The following SLC25A20 variants were observed in gnomAD, a reference collection of about 807,000 sequenced individuals.
The protein encoded by SLC25A20 is solute carrier family 25 member 20.
A neutral mutation model predicts 39.7 loss-of-function variants in SLC25A20; 29 were observed. The ratio of observed to expected loss-of-function variants is 0.73; its 90% confidence interval spans 0.54 to 1.00. The LOEUF is 1.00. Among genes scored for constraint, SLC25A20 ranks in the 50% least tolerant of loss-of-function variants. The pLI is 0.00. For missense variants in SLC25A20, 333 were observed against 379.9 expected (o/e 0.88, Z 1.03); for synonymous variants, 103 against 142.2 (o/e 0.72, Z 1.96).
At chr3:48,882,489 A>C (rs1296734352) in intron 3 of SLC25A20, among the ~76,000 whole-genome samples, 1 of 152,180 alleles carries the variant, frequency 6.6e-6, no homozygotes, top group Non-Finnish European at 1.5e-5. Context: ...ATATTTAAGC[A>C]TTCAGACCTC....
At chr3:48,862,306 C>T (rs753715044) in intron 5 of SLC25A20, among the ~76,000 whole-genome samples, 5 of 152,176 alleles carry the variant, frequency 3.3e-5, no homozygotes, top group African/African-American at 4.8e-5. Context: ...CTTGCCACTC[C>T]CCTCCAACTG....
intron 3 of SLC25A20, among the ~76,000 whole-genome samples, chr3:48,880,574 CTTTTTTTTTTTTTT>C (rs35306259): frequency 1.4e-5 from 1 of 73,094 alleles, no homozygotes. Flanking sequence ...CTGTGCCCGG[CTTTTTTTTTTTTTT>C]TTTTTTTTGA....
chr3:48,866,215 A>G (rs1334043860), intron 4 of SLC25A20, among the ~76,000 whole-genome samples: 1 of 152,104 alleles, frequency 6.6e-6, no homozygotes, highest in Non-Finnish European at 1.5e-5. Context: ...AGATTGGAGC[A>G]GGTTTAACAA....
chr3:48,874,032 T>C (rs1282657390), intron 4 of SLC25A20, among the ~76,000 whole-genome samples: 2 of 141,906 alleles, frequency 1.4e-5, no homozygotes, highest in South Asian at 2.3e-4. Flanking sequence ...CTCATTCCTA[T>C]AATCCCAGCA....
At chr3:48,863,922 G>A (rs908815498) in intron 4 of SLC25A20, among the ~76,000 whole-genome samples, 1 of 152,068 alleles carries the variant, frequency 6.6e-6, no homozygotes, top group African/African-American at 2.4e-5. Context: ...GGCTGAGGCA[G>A]GAGAATCGCT....
intron 2 of SLC25A20, among the ~76,000 whole-genome samples, chr3:48,886,644 T>C (rs926527227): frequency 6.6e-6 from 1 of 151,910 alleles, no homozygotes; most frequent in African/African-American, 2.4e-5. Flanking sequence ...CTCTGGAGAA[T>C]GAAGGAAAGA....
chr3:48,866,611 G>A (rs927289399), intron 4 of SLC25A20, among the ~76,000 whole-genome samples: 1 of 151,730 alleles, frequency 6.6e-6, no homozygotes, highest in Non-Finnish European at 1.5e-5. Context: ...AAGAGTTTTT[G>A]TGTAAGAGGG....
At chr3:48,879,574 C>T (rs1289223691) in intron 3 of SLC25A20, 126 bp from the exon 4 acceptor site, 2 of 728,540 alleles carry the variant, frequency 2.7e-6, no homozygotes, top group Non-Finnish European at 5.0e-6. Flanking sequence ...AGAAGCCTAG[C>T]CACAAATGAA....
chr3:48,897,360 TATATATA>T (rs2083917079), intron 1 of SLC25A20, among the ~76,000 whole-genome samples: 1 of 111,734 alleles, frequency 8.9e-6, no homozygotes, highest in Admixed American at 8.8e-5. Context: ...TATATATATA[TATATATA>T]TTTTTTTTTT....
At chr3:48,864,347 C>CAAAAAA (rs55843120) in intron 4 of SLC25A20, among the ~76,000 whole-genome samples, 19 of 48,088 alleles carry the variant, frequency 4.0e-4, no homozygotes, top group African/African-American at 5.3e-4. Context: ...GACTCTGTCT[C>CAAAAAA]AAAAAAAAAA....
chr3:48,879,402 T>C lies in SLC25A20; in HGVS notation c.373A>G (p.Thr125Ala). ...CGTTCTCCAGGAGTCATGATTCCTG[T>C]GGTGAATACGCCAGATAACATCCCA... ...AAGMLSGVFT[T>A]GIMTPGERIK... The change falls in exon 4 of 9, where the codon ACA (threonine) becomes GCA (alanine). Residue 125 changes from threonine to alanine, a missense_variant. Thr to Ala is a moderately conservative substitution (Grantham distance 58). Transcript: ENST00000319017. The C allele has an allele frequency of 6.2e-7, 1 of 1,613,996 alleles. No homozygotes were observed. Among genetic ancestry groups the C allele is most frequent in the Non-Finnish European group, 8.5e-7 (1 of 1,179,938 alleles).
At chr3:48,897,308 G>C (rs765379780) in intron 1 of SLC25A20, among the ~76,000 whole-genome samples, 1 of 145,708 alleles carries the variant, frequency 6.9e-6, no homozygotes, top group Non-Finnish European at 1.5e-5. Flanking sequence ...CAAGGACAAA[G>C]GTGATATGGA....
At chr3:48,864,905 C>T (rs1430281883) in intron 4 of SLC25A20, among the ~76,000 whole-genome samples, 1 of 151,882 alleles carries the variant, frequency 6.6e-6, no homozygotes, top group East Asian at 1.9e-4. Context: ...GGAATCTAAA[C>T]CGTGGGAGAA....
rs75184876 is a variant in SLC25A20, at chr3:48,881,007, T to C, written c.327-1559A>G. Among the ~76,000 whole-genome samples, 64 of 152,278 alleles carry C rather than the reference T, an allele frequency of 4.2e-4. No homozygotes were observed. In the South Asian group the frequency reaches 9.3e-3, roughly 22 times the overall value. On this transcript the variant is annotated intron_variant, in intron 3 of 8. Coordinates refer to ENST00000319017, the MANE Select transcript of SLC25A20 (RefSeq NM_000387.6). ...CTTCACCTACTGTCCTAAGCTTCGG[T>C]GCACTCTTGACCCCAAGCCTCCAAC...
chr3:48,873,531 C>T (rs1289240260), intron 4 of SLC25A20, among the ~76,000 whole-genome samples: 10 of 151,030 alleles, frequency 6.6e-5, no homozygotes. Context: ...ATGGCATGAA[C>T]CCAGGAGGCA....
In SLC25A20 at chr3:48,884,114, C is replaced by T. The variant is rs776327302; in HGVS notation, c.209G>A (p.Gly70Glu). The T allele has an allele frequency of 3.1e-6, 5 of 1,613,484 alleles. No individual in the cohort carries two copies. In the East Asian group the frequency reaches 1.1e-4, roughly 36 times the overall value. Residue 70 changes from glycine to glutamate, a missense_variant, in exon 3 of 9, where the codon GGG (glycine) becomes GAG (glutamate). Gly to Glu is a moderately conservative substitution (Grantham distance 98, BLOSUM62 -2). Transcript: ENST00000319017. The stretch of plus-strand genomic sequence containing the variant: ...AGGGGCAGCCATTCCCCGATATAGC[C>T]CCGTGATGCCCTGCAAGGAATCACA... ...RKTLFREGIT[G>E]LYRGMAAPII...
rs1256371148 is a variant in SLC25A20, at chr3:48,897,367, A to ATAT, written c.105+1322_105+1323insATA. On this transcript the variant is annotated intron_variant, in intron 1 of 8. Coordinates refer to ENST00000319017, the MANE Select transcript of SLC25A20 (RefSeq NM_000387.6). ...TGTGAATATATATATATATATATAT[A>ATAT]TTTTTTTTTTTTTTTTTTTTAAGGG... Among the ~76,000 whole-genome samples the ATAT allele has an allele frequency of 4.2e-3, 354 of 83,718 alleles. 1 individual carries two copies. The highest frequency in any genetic ancestry group is 0.014 in the Middle Eastern group (2 of 140). The allele number at this position is 83,718 out of a possible 152,430, so 54.9% of individuals were successfully genotyped here.
At chr3:48,858,167 C>T (rs1174715340) in intron 8 of SLC25A20, among the ~76,000 whole-genome samples, 4 of 151,904 alleles carry the variant, frequency 2.6e-5, no homozygotes, top group Non-Finnish European at 5.9e-5. Context: ...GGTGTTTCCC[C>T]ATGTTGGCCA....
chr3:48,872,042 T>C (rs1305411689), intron 4 of SLC25A20, among the ~76,000 whole-genome samples: 2 of 138,944 alleles, frequency 1.4e-5, no homozygotes, highest in Non-Finnish European at 3.0e-5. Flanking sequence ...CCACACAAGC[T>C]GGTCTCAGCC....
Sources: allele counts gnomAD v4.1 joint callset (sites outside exome capture counted in the v4.1 genomes callset), GRCh38; gene constraint gnomAD v4.1.1; transcripts MANE v1.5; gene names NCBI Gene and HGNC (gene_info 2026-07-23, HGNC 2026-07-21).